CNTN3: variants seen among roughly 807,000 people sequenced by gnomAD.
CNTN3 encodes the protein contactin 3.
CNTN3 carries 60 observed loss-of-function variants against 119.1 expected under a neutral mutation model. That is an observed-to-expected ratio of 0.50 (90% CI 0.41 to 0.62). CNTN3 has a LOEUF of 0.62. CNTN3 is among the 20% of genes least tolerant of loss of function. CNTN3 has a pLI of 0.00. For missense variants in CNTN3, 1,101 were observed against 1,242.4 expected (o/e 0.89, Z 1.71); for synonymous variants, 450 against 438.7 (o/e 1.03, Z -0.32).
Position 74,421,407 on chromosome 3 carries a change from C to G in CNTN3, c.454+3438G>C, listed in dbSNP as rs532733093. On this transcript the variant is annotated intron_variant, in intron 5 of 22. Transcript: ENST00000263665. The stretch of plus-strand genomic sequence containing the variant: ...CTGGTCTTGAACTCCTGAGCTCAAG[C>G]AATCTGCCTGCCTCGGCCTCCCAAA... Among the ~76,000 whole-genome samples the G allele has an allele frequency of 3.3e-5, 5 of 152,134 alleles. No individual in the cohort carries two copies. In the East Asian group the frequency reaches 7.8e-4, roughly 24 times the overall value.
intron 20 of CNTN3, among the ~76,000 whole-genome samples, chr3:74,274,642 G>T (rs1236156838): frequency 6.6e-6 from 1 of 151,896 alleles, no homozygotes; most frequent in Non-Finnish European, 1.5e-5. Context: ...TGGGACAAAA[G>T]AATCTGAACA....
At chr3:74,452,304 T>C (rs1702173527) in intron 4 of CNTN3, among the ~76,000 whole-genome samples, 1 of 129,918 alleles carries the variant, frequency 7.7e-6, no homozygotes, top group Non-Finnish European at 1.6e-5. Context: ...ACTCATGATT[T>C]GGCTCTCTGT....
chr3:74,610,960 C>A (rs1010068173), intron 1 of CNTN3, among the ~76,000 whole-genome samples: 4 of 152,122 alleles, frequency 2.6e-5, no homozygotes, highest in Admixed American at 1.3e-4. Flanking sequence ...TATAATCAAG[C>A]AGTTTTGAAA....
intron 3 of CNTN3, among the ~76,000 whole-genome samples, chr3:74,495,963 G>T (rs543761069): frequency 2.0e-5 from 3 of 152,152 alleles, no homozygotes; most frequent in South Asian, 2.1e-4. Context: ...GGGCCCAGGG[G>T]TCGACCTGAA....
At chr3:74,290,375 T>C (rs952177238) in intron 19 of CNTN3, among the ~76,000 whole-genome samples, 1 of 152,198 alleles carries the variant, frequency 6.6e-6, no homozygotes, top group African/African-American at 2.4e-5. Context: ...GGTATTGTAA[T>C]CTTAGGGGAC....
rs1372553730 is a variant in CNTN3 at position 74,477,851 on chromosome 3, A to AAAAATT, written c.358+8599_358+8604dup. 7.2e-5 allele frequency among the ~76,000 whole-genome samples: 11 copies of AAAAATT among 152,240 alleles called. 1 individual carries two copies. In the East Asian group the frequency reaches 2.1e-3, roughly 29 times the overall value. ...GTAGCCACAACAATTAAAAATTTAA[A>AAAAATT]AAAATTAAAAAAAAACACAGATCTC... On this transcript the variant is annotated intron_variant, in intron 4 of 22. Transcript: ENST00000263665.
intron 4 of CNTN3, among the ~76,000 whole-genome samples, chr3:74,462,127 T>C (rs559683620): frequency 2.0e-5 from 3 of 152,048 alleles, no homozygotes; most frequent in Non-Finnish European, 4.4e-5. Flanking sequence ...CACTCTCTCT[T>C]CATCCTGCTC....
chr3:74,498,729 G>A (rs542606878), intron 3 of CNTN3, among the ~76,000 whole-genome samples: 1 of 151,862 alleles, frequency 6.6e-6, no homozygotes, highest in Admixed American at 6.6e-5. Flanking sequence ...ATTAATACTG[G>A]CTGAAGTTTG....
At chr3:74,532,240 G>A (rs539213483) in intron 1 of CNTN3, among the ~76,000 whole-genome samples, 4 of 151,324 alleles carry the variant, frequency 2.6e-5, no homozygotes, top group African/African-American at 4.9e-5. Context: ...TGAGAGAGAT[G>A]GGATCATGGC....
At chr3:74,346,070 A>G (rs1703680594) in intron 11 of CNTN3, among the ~76,000 whole-genome samples, 1 of 152,204 alleles carries the variant, frequency 6.6e-6, no homozygotes, top group Non-Finnish European at 1.5e-5. Flanking sequence ...TTCTTTGTGA[A>G]ATACGACACG....
chr3:74,402,405 C>G (rs1184667362), intron 5 of CNTN3, among the ~76,000 whole-genome samples: 1 of 152,172 alleles, frequency 6.6e-6, no homozygotes, highest in African/African-American at 2.4e-5. Context: ...TGGAACTCAT[C>G]AATTTCTACC....
In CNTN3 at chr3:74,590,721, T is replaced by C. The variant is rs191595108; in HGVS notation, c.-81+23670A>G. 5.3e-5 allele frequency among the ~76,000 whole-genome samples: 8 copies of C among 152,184 alleles called. No homozygotes were observed. In the East Asian group the frequency reaches 1.4e-3, roughly 26 times the overall value. ...TTTTCTGAGCTTACAAATAATTATT[T>C]GCATTATCTTAACACATAAAGATGC... On this transcript the variant is annotated intron_variant, in intron 1 of 22. Transcript: ENST00000263665.
intron 1 of CNTN3, among the ~76,000 whole-genome samples, chr3:74,562,954 C>T (rs548333354): frequency 7.2e-5 from 11 of 152,206 alleles, no homozygotes; most frequent in African/African-American, 2.4e-4. Flanking sequence ...CCCTGGCATG[C>T]GAAGAGATAA....
At chr3:74,402,219 GT>G (rs535640697) in intron 5 of CNTN3, among the ~76,000 whole-genome samples, 2 of 152,138 alleles carry the variant, frequency 1.3e-5, no homozygotes, top group Non-Finnish European at 2.9e-5. Flanking sequence ...CAAGGTTTGT[GT>G]TTTTCTCTCC....
At chr3:74,367,648 G>GA (rs556422700) in intron 8 of CNTN3, among the ~76,000 whole-genome samples, 10 of 147,132 alleles carry the variant, frequency 6.8e-5, no homozygotes, top group South Asian at 4.3e-4. Flanking sequence ...TGCAGAAAAG[G>GA]AAAAAAAAAA....
chr3:74,435,581 G>A (rs1701852824), intron 4 of CNTN3, among the ~76,000 whole-genome samples: 2 of 152,158 alleles, frequency 1.3e-5, no homozygotes, highest in South Asian at 2.1e-4. Flanking sequence ...GAAGTCATAA[G>A]AGTATGCTTC....
At chr3:74,576,307 G>A (rs937705902) in intron 1 of CNTN3, among the ~76,000 whole-genome samples, 3 of 152,082 alleles carry the variant, frequency 2.0e-5, no homozygotes, top group Non-Finnish European at 4.4e-5. Flanking sequence ...GAACTTGAGC[G>A]TATCAAATAA....
At chr3:74,292,983 T>A (rs953908493) in intron 19 of CNTN3, among the ~76,000 whole-genome samples, 4 of 151,844 alleles carry the variant, frequency 2.6e-5, no homozygotes, top group African/African-American at 9.7e-5. Flanking sequence ...GTGCATTAAG[T>A]TGTTCTCCTG....
chr3:74,336,720 T>G, intron 11 of CNTN3, 62 bp from the exon 12 acceptor site: 1 of 1,309,488 alleles, frequency 7.6e-7, no homozygotes, highest in Non-Finnish European at 1.1e-6. Flanking sequence ...CAAATGAATA[T>G]ACATATTTTT....
Sources: gnomAD v4.1 joint callset for allele counts (sites outside exome capture counted in the v4.1 genomes callset) on GRCh38, gnomAD v4.1.1 for gene constraint, MANE v1.5 for transcripts, NCBI Gene and HGNC (gene_info 2026-07-23, HGNC 2026-07-21) for gene names.